CDH13: variants seen among roughly 807,000 people sequenced by gnomAD.
The protein encoded by CDH13 is cadherin 13, also known as cadherin-13.
CDH13 carries 24 observed loss-of-function variants against 63.8 expected under a neutral mutation model. That is an observed-to-expected ratio of 0.38 (90% CI 0.27 to 0.53). CDH13 has a LOEUF of 0.53. Among genes scored for constraint, CDH13 ranks in the 20% least tolerant of loss-of-function variants. CDH13 has a pLI of 0.85. For missense variants in CDH13, 1,049 were observed against 903.1 expected (o/e 1.16, Z -2.07); for synonymous variants, 503 against 355.3 (o/e 1.42, Z -4.67).
chr16:83,729,528 G>A (rs977766688), intron 10 of CDH13, among the ~76,000 whole-genome samples: 4 of 152,206 alleles, frequency 2.6e-5, no homozygotes, highest in African/African-American at 9.7e-5. Context: ...AGGTCAGACA[G>A]CGAGGCATCA....
chr16:83,422,435 G>A (rs978356750), intron 6 of CDH13, among the ~76,000 whole-genome samples: 3 of 152,146 alleles, frequency 2.0e-5, no homozygotes, highest in Admixed American at 6.5e-5. Context: ...AAGAATGCTG[G>A]CTGCAGAGGT....
At chr16:83,000,264 T>TTTTTTTTTTTA (rs1912748830) in intron 2 of CDH13, among the ~76,000 whole-genome samples, 1 of 107,112 alleles carries the variant, frequency 9.3e-6, no homozygotes, top group Non-Finnish European at 1.9e-5. Flanking sequence ...TTTTTTTTTT[T>TTTTTTTTTTTA]GAGACAGAGT....
intron 2 of CDH13, among the ~76,000 whole-genome samples, chr16:82,899,468 C>G (rs369991374): frequency 2.0e-5 from 3 of 152,234 alleles, no homozygotes; most frequent in South Asian, 2.1e-4. Context: ...CTTATGTTAT[C>G]TAAAGCTCAG....
chr16:83,141,549 G>A (rs1010474834), intron 4 of CDH13, among the ~76,000 whole-genome samples: 2 of 152,188 alleles, frequency 1.3e-5, no homozygotes, highest in Non-Finnish European at 2.9e-5. Flanking sequence ...TGTGCAGAAT[G>A]TGCAGGTTTG....
intron 2 of CDH13, among the ~76,000 whole-genome samples, chr16:82,940,607 C>T (rs375308322): frequency 6.6e-6 from 1 of 152,158 alleles, no homozygotes; most frequent in Non-Finnish European, 1.5e-5. Flanking sequence ...TTAGCTGGTT[C>T]CTGCTTCATA....
At chr16:82,983,658 A>C (rs1284909004) in intron 2 of CDH13, among the ~76,000 whole-genome samples, 3 of 152,184 alleles carry the variant, frequency 2.0e-5, no homozygotes, top group African/African-American at 7.2e-5. Context: ...ATAAATTGAC[A>C]GTTAATTGCC....
chr16:83,416,740 C>A (rs933535681), intron 6 of CDH13, among the ~76,000 whole-genome samples: 3 of 152,242 alleles, frequency 2.0e-5, no homozygotes, highest in African/African-American at 7.2e-5. Context: ...TGAATAAAAG[C>A]ACAAATGCTG....
chr16:83,354,227 C>T (rs1275159590), intron 6 of CDH13, among the ~76,000 whole-genome samples: 1 of 152,174 alleles, frequency 6.6e-6, no homozygotes, highest in African/African-American at 2.4e-5. Flanking sequence ...GGATCCTATC[C>T]CTGATACCAA....
At chr16:82,681,650 C>T (rs986820980) in intron 1 of CDH13, among the ~76,000 whole-genome samples, 7 of 152,234 alleles carry the variant, frequency 4.6e-5, no homozygotes, top group African/African-American at 7.2e-5. Context: ...CTGGTGCCCC[C>T]GTTGCATTCC....
rs1164621727 is a variant in CDH13 at position 83,210,190 on chromosome 16, G to A, written c.484-7155G>A. On this transcript the variant is annotated intron_variant, in intron 4 of 13. Transcript: ENST00000567109. ...AGCGATTCTCCTGCCTCAGCCTCCC[G>A]AGTAACTGGGACTATAGGCGCCTGC... 2.6e-5 allele frequency among the ~76,000 whole-genome samples: 4 copies of A among 151,904 alleles called. No individual in the cohort carries two copies. In the East Asian group the frequency reaches 5.8e-4, roughly 22 times the overall value.
chr16:82,999,388 C>G (rs554413647), intron 2 of CDH13, among the ~76,000 whole-genome samples: 2 of 152,292 alleles, frequency 1.3e-5, no homozygotes, highest in African/African-American at 4.8e-5. Context: ...GAGAATACCA[C>G]TTGTTCTTAC....
At chr16:83,078,800 TG>T (rs1026633358) in intron 3 of CDH13, among the ~76,000 whole-genome samples, 16 of 152,306 alleles carry the variant, frequency 1.1e-4, no homozygotes, top group African/African-American at 3.6e-4. Context: ...TTTGGTTTTT[TG>T]GTTTTTTTTG....
intron 2 of CDH13, among the ~76,000 whole-genome samples, chr16:82,896,276 A>ATTTTTGTTTTTTTTTTTTTTTTTTTT (rs2041253961): frequency 2.3e-5 from 2 of 87,816 alleles, no homozygotes; most frequent in East Asian, 7.0e-4. Context: ...TAGGATTAGG[A>ATTTTTGTTTTTTTTTTTTTTTTTTTT]TTTTTTTTTT....
At chr16:83,007,526 C>T (rs78918588) in intron 2 of CDH13, among the ~76,000 whole-genome samples, 5,595 of 152,140 alleles carry the variant, frequency 0.037, 133 homozygotes, top group Non-Finnish European at 0.046. Context: ...CTAAAAAATA[C>T]CTCGTAAGAA....
At chr16:83,403,801 T>G (rs2092003779) in intron 6 of CDH13, among the ~76,000 whole-genome samples, 2 of 152,068 alleles carry the variant, frequency 1.3e-5, no homozygotes, top group Admixed American at 1.3e-4. Context: ...ATAGAGAATA[T>G]TCTTACCTAG....
chr16:83,476,724 G>A (rs1409451796), intron 6 of CDH13, among the ~76,000 whole-genome samples: 3 of 152,110 alleles, frequency 2.0e-5, no homozygotes, highest in Admixed American at 2.0e-4. Flanking sequence ...ACCACACCGT[G>A]TCCTTTTGTT....
chr16:83,301,433 A>G (rs1028718447), intron 5 of CDH13, among the ~76,000 whole-genome samples: 1 of 152,084 alleles, frequency 6.6e-6, no homozygotes, highest in African/African-American at 2.4e-5. Flanking sequence ...GGTTTTACCC[A>G]GTACCTTGTT....
At chr16:82,939,402 G>A (rs909722007) in intron 2 of CDH13, among the ~76,000 whole-genome samples, 1 of 141,796 alleles carries the variant, frequency 7.1e-6, no homozygotes, top group Non-Finnish European at 1.5e-5. Context: ...CAGCCTGGGT[G>A]ACAGAGTAAG....
chr16:82,643,892 G>A (rs980830954), intron 1 of CDH13, among the ~76,000 whole-genome samples: 4 of 149,420 alleles, frequency 2.7e-5, no homozygotes, highest in African/African-American at 9.9e-5. Flanking sequence ...GACTACAGGT[G>A]TGGACCACCA....
Sources: allele counts gnomAD v4.1 joint callset (sites outside exome capture counted in the v4.1 genomes callset), GRCh38; gene constraint gnomAD v4.1.1; transcripts MANE v1.5; gene names NCBI Gene and HGNC (gene_info 2026-07-23, HGNC 2026-07-21).